The following ANKS1B variants were observed in gnomAD, a reference collection of about 807,000 sequenced individuals.
The protein encoded by ANKS1B is ankyrin repeat and sterile alpha motif domain containing 1B.
Under a neutral mutation model 148.3 loss-of-function variants are expected in ANKS1B, and 36 were observed. The ratio of observed to expected loss-of-function variants is 0.24; its 90% CI spans 0.19 to 0.32. The LOEUF (loss-of-function observed/expected upper bound fraction) is 0.32, where lower values mean the gene tolerates loss of function less well. Ranked by LOEUF, ANKS1B falls within the 10% of genes least tolerant of loss-of-function variation. ANKS1B has a pLI of 1.00. For synonymous variants in ANKS1B, 542 were observed against 560.8 expected, an observed-to-expected ratio of 0.97 and a Z score of 0.47; for missense variants, 1,157 against 1,542.6, an observed-to-expected ratio of 0.75 and a Z score of 4.19.
chr12:99,499,582 C>T (rs1445795441), intron 10 of ANKS1B, among the ~76,000 whole-genome samples: 1 of 152,120 alleles, frequency 6.6e-6, no homozygotes, highest in Non-Finnish European at 1.5e-5. Context: ...AGTGATGTTG[C>T]CTTCTGATGT....
At chr12:99,553,571 T>G (rs1269812964) in intron 9 of ANKS1B, among the ~76,000 whole-genome samples, 2 of 152,198 alleles carry the variant, frequency 1.3e-5, no homozygotes, top group Non-Finnish European at 2.9e-5. Flanking sequence ...TGATTCAGCA[T>G]GAAAGCAGTC....
intron 17 of ANKS1B, among the ~76,000 whole-genome samples, chr12:98,932,644 T>G (rs1202693121): frequency 2.0e-5 from 3 of 152,326 alleles, no homozygotes; most frequent in South Asian, 4.1e-4. Flanking sequence ...AGCAGTCTCA[T>G]GGTTTCTTCA....
intron 14 of ANKS1B, among the ~76,000 whole-genome samples, chr12:99,191,922 A>T (rs2080770382): frequency 1.3e-5 from 2 of 152,118 alleles, no homozygotes; most frequent in African/African-American, 4.8e-5. Flanking sequence ...TCACGAGGTC[A>T]GGAGTTTGAG....
chr12:99,168,519 CAAA>C (rs113434143), intron 14 of ANKS1B, among the ~76,000 whole-genome samples: 3 of 68,788 alleles, frequency 4.4e-5, no homozygotes, highest in Non-Finnish European at 6.2e-5. Context: ...AACTCCATCT[CAAA>C]AAAAAAAAAA....
intron 9 of ANKS1B, among the ~76,000 whole-genome samples, chr12:99,552,020 T>C (rs1384260085): frequency 1.3e-5 from 2 of 152,172 alleles, no homozygotes; most frequent in Non-Finnish European, 2.9e-5. Flanking sequence ...CTTGTCCTTT[T>C]ACCTCTGGGC....
intron 1 of ANKS1B, among the ~76,000 whole-genome samples, chr12:99,834,659 T>A (rs1250457927): frequency 1.3e-5 from 2 of 152,160 alleles, no homozygotes; most frequent in Non-Finnish European, 2.9e-5. Context: ...TAGGCCAATA[T>A]CCATATGTAC....
At chr12:99,392,149 T>A (rs921854790) in intron 12 of ANKS1B, among the ~76,000 whole-genome samples, 4 of 152,366 alleles carry the variant, frequency 2.6e-5, no homozygotes, top group Non-Finnish European at 5.9e-5. Flanking sequence ...CAGCAGCCTG[T>A]TCCTGGCCTT....
At chr12:99,872,404 T>C (rs562294295) in intron 1 of ANKS1B, among the ~76,000 whole-genome samples, 1 of 152,204 alleles carries the variant, frequency 6.6e-6, no homozygotes, top group South Asian at 2.1e-4. Context: ...CTTTTCTGTA[T>C]GTATGATATA....
At chr12:98,832,194 G>C in intron 17 of ANKS1B, 58 bp from the exon 18 acceptor site, 1 of 1,328,840 alleles carries the variant, frequency 7.5e-7, no homozygotes, top group Admixed American at 2.2e-5. Flanking sequence ...ATTTTTATAT[G>C]TCCTAAAACA....
intron 1 of ANKS1B, among the ~76,000 whole-genome samples, chr12:99,854,805 T>G (rs1454689895): frequency 6.6e-6 from 1 of 152,218 alleles, no homozygotes; most frequent in East Asian, 1.9e-4. Flanking sequence ...GTAAGCTTCA[T>G]AAATGAAGGA....
intron 8 of ANKS1B, among the ~76,000 whole-genome samples, chr12:99,683,154 G>A (rs895162847): frequency 1.3e-5 from 2 of 152,042 alleles, no homozygotes. Flanking sequence ...CACCTACTGG[G>A]TCCCTCCCAC....
intron 19 of ANKS1B, among the ~76,000 whole-genome samples, chr12:98,817,938 C>T (rs1335287861): frequency 6.6e-6 from 1 of 152,182 alleles, no homozygotes; most frequent in Non-Finnish European, 1.5e-5. Flanking sequence ...AGTTGTTTCT[C>T]TAACAACATC....
chr12:99,826,763 T>C (rs2153684469), intron 1 of ANKS1B, among the ~76,000 whole-genome samples: 1 of 152,054 alleles, frequency 6.6e-6, no homozygotes. Context: ...AATTCTAAAA[T>C]TCATATGAAA....
intron 12 of ANKS1B, among the ~76,000 whole-genome samples, chr12:99,295,030 T>G (rs1235961156): frequency 6.6e-6 from 1 of 152,188 alleles, no homozygotes; most frequent in African/African-American, 2.4e-5. Flanking sequence ...AATTACACAT[T>G]GTATGCCTGG....
chr12:99,084,855 T>C, intron 16 of ANKS1B, 70 bp downstream of exon 16: 1 of 1,221,784 alleles, frequency 8.2e-7, no homozygotes, highest in South Asian at 1.4e-5. Context: ...ATACAAATAC[T>C]CCTTGCATGC....
Position 98,744,963 on chromosome 12 carries a change from T to C in ANKS1B, c.*776A>G, listed in dbSNP as rs1265710365. 1 of 985,880 alleles carries C rather than the reference T, an allele frequency of 1.0e-6. No homozygotes were observed. Among genetic ancestry groups the C allele is most frequent in the East Asian group, 1.1e-4 (1 of 8,820 alleles). The allele number at this position is 985,880 out of a possible 1,614,324, so 61.1% of individuals were successfully genotyped here. A position where few individuals can be genotyped will look rare whatever the true frequency, so the allele number is the denominator to read the frequency against. On this transcript the variant is annotated 3_prime_UTR_variant, in exon 27 of 27. Coordinates refer to ENST00000683438, the MANE Select transcript of ANKS1B (RefSeq NM_001352186.2). Reference sequence around the variant, plus strand: ...GGTAGTAGCAGTAGAAATTTAATTATTTGAAATGAAACCAGAAACATCCCT... The same window carrying C: ...GGTAGTAGCAGTAGAAATTTAATTACTTGAAATGAAACCAGAAACATCCCT...
chr12:98,800,694 C>CAT (rs2098997714), intron 21 of ANKS1B, among the ~76,000 whole-genome samples: 3 of 90,850 alleles, frequency 3.3e-5, no homozygotes, highest in Admixed American at 9.4e-5. Flanking sequence ...ATATATATGC[C>CAT]ATATTTACAC....
intron 9 of ANKS1B, among the ~76,000 whole-genome samples, chr12:99,576,467 C>G (rs1567390146): frequency 6.6e-6 from 1 of 152,032 alleles, no homozygotes; most frequent in Non-Finnish European, 1.5e-5. Context: ...ACTCTAAGAT[C>G]AAACACACAC....
intron 12 of ANKS1B, among the ~76,000 whole-genome samples, chr12:99,300,806 G>A (rs559026848): frequency 4.6e-5 from 7 of 152,154 alleles, no homozygotes; most frequent in Admixed American, 1.3e-4. Context: ...GTGCAGTTTA[G>A]GTAGTATTTT....
Sources: allele counts gnomAD v4.1 joint callset (sites outside exome capture counted in the v4.1 genomes callset), GRCh38; gene constraint gnomAD v4.1.1; transcripts MANE v1.5; gene names NCBI Gene and HGNC (gene_info 2026-07-23, HGNC 2026-07-21).